MTMR2: variants seen among roughly 807,000 people sequenced by gnomAD.
MTMR2 encodes the protein myotubularin related protein 2.
Under a neutral mutation model 86.9 loss-of-function variants are expected in MTMR2, and 55 were observed. That is an observed-to-expected ratio of 0.63 (90% CI 0.51 to 0.79). The LOEUF is 0.79. Ranked by LOEUF, MTMR2 falls within the 30% of genes least tolerant of loss-of-function variation. The probability of loss-of-function intolerance (pLI) is 0.00; values close to 1 mark genes in which losing one functional copy is unlikely to be tolerated. For synonymous variants in MTMR2, 241 were observed against 266.8 expected, an observed-to-expected ratio of 0.90 and a Z score of 0.94; for missense variants, 659 against 772.3, an observed-to-expected ratio of 0.85 and a Z score of 1.74.
intron 2 of MTMR2, among the ~76,000 whole-genome samples, chr11:95,872,490 T>G (rs1252314267): frequency 6.6e-6 from 1 of 151,052 alleles, no homozygotes; most frequent in East Asian, 1.9e-4. Flanking sequence ...CTGAAGTTGC[T>G]TATCAGCTTA....
chr11:95,871,241 G>C (rs1864870401), intron 2 of MTMR2, among the ~76,000 whole-genome samples: 1 of 152,120 alleles, frequency 6.6e-6, no homozygotes, highest in Non-Finnish European at 1.5e-5. Context: ...ATAATCCCTT[G>C]GGTATATACC....
At chr11:95,845,209 C>T (rs1863735187) in intron 10 of MTMR2, 50 bp from the exon 11 acceptor site, 4 of 1,477,166 alleles carry the variant, frequency 2.7e-6, no homozygotes, top group Admixed American at 1.8e-5. Context: ...GTAAATACTT[C>T]CTTCTTCAAA....
At chr11:95,838,918 G>A (rs1027622285) in intron 12 of MTMR2, among the ~76,000 whole-genome samples, 5 of 152,006 alleles carry the variant, frequency 3.3e-5, no homozygotes, top group East Asian at 1.9e-4. Context: ...AGAAGGTTTC[G>A]TTTAATCCAT....
At chr11:95,867,811 G>A (rs1201575845) in intron 2 of MTMR2, among the ~76,000 whole-genome samples, 1 of 106,112 alleles carries the variant, frequency 9.4e-6, no homozygotes, top group African/African-American at 4.5e-5. Context: ...GAAAAAAAAG[G>A]CCTAGAAAAA....
At chr11:95,872,010 G>A (rs1278223438) in intron 2 of MTMR2, among the ~76,000 whole-genome samples, 2 of 152,074 alleles carry the variant, frequency 1.3e-5, no homozygotes, top group Admixed American at 6.5e-5. Flanking sequence ...CCCATTTCTT[G>A]TTTTTGTCAG....
intron 1 of MTMR2, among the ~76,000 whole-genome samples, chr11:95,914,960 A>G (rs889601424): frequency 1.3e-5 from 2 of 152,222 alleles, no homozygotes; most frequent in South Asian, 2.1e-4. Flanking sequence ...GAAGAAATGT[A>G]GCACCATGCC....
intron 1 of MTMR2, among the ~76,000 whole-genome samples, chr11:95,921,464 A>G (rs1389631566): frequency 6.6e-6 from 1 of 152,218 alleles, no homozygotes; most frequent in Non-Finnish European, 1.5e-5. Context: ...TAACTTAAAC[A>G]ATCTAGATAG....
chr11:95,898,590 T>G (rs529107050), intron 1 of MTMR2, among the ~76,000 whole-genome samples: 1 of 152,218 alleles, frequency 6.6e-6, no homozygotes, highest in South Asian at 2.1e-4. Context: ...TCCCTGGGGT[T>G]TGGAGAAACA....
chr11:95,907,376 C>A (rs1866319667), intron 1 of MTMR2, among the ~76,000 whole-genome samples: 1 of 151,830 alleles, frequency 6.6e-6, no homozygotes, highest in Non-Finnish European at 1.5e-5. Flanking sequence ...TAATAAAAAG[C>A]CTAACAACTA....
At chr11:95,857,405 T>C in intron 7 of MTMR2, 147 bp downstream of exon 7, 1 of 671,630 alleles carries the variant, frequency 1.5e-6, no homozygotes, top group Non-Finnish European at 2.7e-6. Context: ...CTAAAACAGA[T>C]TTCAAGATTG....
rs180775692 is a variant in MTMR2, at chr11:95,860,176, C to T, written c.469-1544G>A. 3.3e-5 allele frequency among the ~76,000 whole-genome samples: 5 copies of T among 152,202 alleles called. No homozygotes were observed. In the South Asian group the frequency reaches 6.2e-4, roughly 19 times the overall value. Reference sequence around the variant, plus strand: ...AGTGTGCTTGACACATGGTTGCCAGCGATTACACTCACAGAGCCCTTCTGA... The same window carrying T: ...AGTGTGCTTGACACATGGTTGCCAGTGATTACACTCACAGAGCCCTTCTGA... On this transcript the variant is annotated intron_variant, in intron 5 of 14. Transcript: ENST00000346299.
chr11:95,853,667 G>C (rs1356843189), intron 7 of MTMR2, among the ~76,000 whole-genome samples: 2 of 151,982 alleles, frequency 1.3e-5, no homozygotes, highest in African/African-American at 4.8e-5. Context: ...ACATTATATT[G>C]TAATTGTTAA....
intron 1 of MTMR2, among the ~76,000 whole-genome samples, chr11:95,910,127 GCA>G (rs71040121): frequency 0.025 from 3,618 of 146,964 alleles, 56 homozygotes; most frequent in Middle Eastern, 0.038. Flanking sequence ...ACGCATGCAC[GCA>G]CACACACACA....
chr11:95,845,233 G>A (rs1013772073), intron 10 of MTMR2, 74 bp from the exon 11 acceptor site: 1 of 1,194,030 alleles, frequency 8.4e-7, no homozygotes, highest in African/African-American at 1.5e-5. Context: ...TACTAATACA[G>A]CTTATCAGGG....
intron 2 of MTMR2, among the ~76,000 whole-genome samples, chr11:95,868,273 T>TAAAAAAAAAAAAAAAAAAAAAAAA (rs555618890): frequency 1.4e-4 from 6 of 42,220 alleles, no homozygotes; most frequent in Non-Finnish European, 2.4e-4. Context: ...GACCCTGTGC[T>TAAAAAAAAAAAAAAAAAAAAAAAA]AAAAAAAAAA....
chr11:95,905,228 C>T (rs1214853667), intron 1 of MTMR2, among the ~76,000 whole-genome samples: 4 of 152,012 alleles, frequency 2.6e-5, no homozygotes, highest in East Asian at 1.9e-4. Flanking sequence ...ATCTTCTCTA[C>T]GTACTCCTCC....
chr11:95,900,729 G>A (rs140211558), intron 1 of MTMR2, among the ~76,000 whole-genome samples: 30 of 152,120 alleles, frequency 2.0e-4, no homozygotes, highest in Middle Eastern at 6.8e-3. Context: ...ATGTGCGTGT[G>A]CACGCACACA....
At position 95,835,164 on chromosome 11, in the gene MTMR2, T is replaced by TTAAAATAAATAAAGTGACTGAAC; in HGVS notation, c.*103_*125dup. ...AGTTCTAAACTCATCCTAGAGAGAT[T>TTAAAATAAATAAAGTGACTGAAC]TAAAATAAATAAAGTGACTGAACTT... is the stretch of plus-strand genomic sequence containing the variant. On this transcript the variant is annotated 3_prime_UTR_variant, in exon 15 of 15. Transcript: ENST00000346299. The TTAAAATAAATAAAGTGACTGAAC allele has an allele frequency of 9.7e-7, 1 of 1,031,850 alleles. No individual in the cohort carries two copies. The highest frequency in any genetic ancestry group is 1.4e-5 in the South Asian group (1 of 72,966). 63.9% of individuals were successfully genotyped at this position (1,031,850 alleles called of 1,614,324 possible).
chr11:95,849,819 C>T lies in MTMR2; in HGVS notation c.848G>A (p.Arg283Gln), dbSNP rs374629187. 4 of 1,613,938 alleles carry T rather than the reference C, an allele frequency of 2.5e-6. No individual in the cohort carries two copies. The highest frequency in any genetic ancestry group is 1.1e-5 in the South Asian group (1 of 91,088). Reference protein sequence around the residue: ...IHPESQATITRCSQPMVGVSG... With the variant: ...IHPESQATITQCSQPMVGVSG... ...CACTCCAACCATGGGCTGGCTACAC[C>T]GAGTGATTGTGGCTTGACTTTCAGG... Residue 283 changes from arginine (R) to glutamine (Q), a missense_variant, in exon 9 of 15, where the codon CGG becomes CAG. Arg to Gln is a conservative substitution (Grantham distance 43). Coordinates refer to ENST00000346299, the MANE Select transcript of MTMR2 (RefSeq NM_016156.6).
Sources: allele counts gnomAD v4.1 joint callset (sites outside exome capture counted in the v4.1 genomes callset), GRCh38; gene constraint gnomAD v4.1.1; transcripts MANE v1.5; gene names NCBI Gene and HGNC (gene_info 2026-07-23, HGNC 2026-07-21).